RUSC2: variants seen among roughly 807,000 people sequenced by gnomAD.
The protein encoded by RUSC2 is RUN and SH3 domain containing 2, also known as AP-4 complex accessory subunit RUSC2.
Under a neutral mutation model 122.2 loss-of-function variants are expected in RUSC2, and 34 were observed. The ratio of observed to expected loss-of-function variants is 0.28; its 90% CI spans 0.21 to 0.37. RUSC2 has a LOEUF of 0.37. Among genes scored for constraint, RUSC2 ranks in the 10% least tolerant of loss-of-function variants. RUSC2 has a pLI of 1.00. For missense variants in RUSC2, 1,747 were observed against 1,952.4 expected (o/e 0.89, Z 1.98); for synonymous variants, 784 against 790.0 (o/e 0.99, Z 0.13).
At chr9:35,556,582 T>G in intron 5 of RUSC2, 134 bp downstream of exon 5, 3 of 410,204 alleles carry the variant, frequency 7.3e-6, no homozygotes, top group Non-Finnish European at 1.2e-5. Flanking sequence ...CCCAGCACTT[T>G]GGGAGGCCAA....
intron 1 of RUSC2, among the ~76,000 whole-genome samples, chr9:35,524,314 AAAAC>A (rs1453328382): frequency 2.2e-4 from 33 of 152,330 alleles, no homozygotes; most frequent in African/African-American, 7.9e-4. Flanking sequence ...AACACAAAAC[AAAAC>A]AAACCTGTCA....
At chr9:35,551,793 C>T (rs1157677535) in intron 2 of RUSC2, among the ~76,000 whole-genome samples, 4 of 152,176 alleles carry the variant, frequency 2.6e-5, no homozygotes, top group Non-Finnish European at 5.9e-5. Context: ...GGCATGGTGG[C>T]TCACACCTAT....
rs773623696 is a variant in RUSC2 at position 35,548,068 on chromosome 9, G to A, written c.1547G>A (p.Arg516His). ...SPPVRLGSLE[R>H]MLSCPVRLSE... ...CCTGTCCGCCTGGGCTCGCTGGAAC[G>A]TATGTTGAGTTGCCCAGTGCGCTTG... is the stretch of plus-strand genomic sequence containing the variant. Residue 516 changes from arginine (R) to histidine (H), a missense_variant, in exon 2 of 12, where the codon CGT becomes CAT. Arg to His is a conservative substitution (Grantham distance 29, BLOSUM62 0). Coordinates refer to ENST00000361226, the MANE Select transcript of RUSC2 (RefSeq NM_014806.5). This position sits in a 1 kb window ranked among gnomAD's most constrained non-coding sequence, Gnocchi z 4.5. 8.7e-6 allele frequency: 14 copies of A among 1,613,218 alleles called. No individual in the cohort carries two copies. The highest frequency in any genetic ancestry group is 4.4e-5 in the South Asian group (4 of 91,090).
intron 1 of RUSC2, among the ~76,000 whole-genome samples, chr9:35,545,394 G>A (rs1821724742): frequency 6.6e-6 from 1 of 152,228 alleles, no homozygotes; most frequent in Non-Finnish European, 1.5e-5. Flanking sequence ...AAACACAGGA[G>A]ACTAGAACTT....
chr9:35,560,929 G>C (rs780693732), intron 10 of RUSC2, 31 bp from the exon 11 acceptor site: 1 of 1,608,698 alleles, frequency 6.2e-7, no homozygotes, highest in Non-Finnish European at 8.5e-7. Flanking sequence ...GCCCATCCTG[G>C]GCAGAGCCTG....
At chr9:35,511,104 C>T (rs1408101972) in intron 1 of RUSC2, among the ~76,000 whole-genome samples, 3 of 152,174 alleles carry the variant, frequency 2.0e-5, no homozygotes, top group African/African-American at 7.2e-5. Context: ...TCCCAGCGAG[C>T]AGAGCTGGGT....
At position 35,560,243 on chromosome 9, in the gene RUSC2, T is replaced by C. The variant is rs775834505; in HGVS notation, c.3603T>C (p.Ser1201=). The change falls in exon 10 of 12, where the codon TCT becomes TCC. Residue 1201 remains serine, a synonymous_variant. Coordinates refer to ENST00000361226, the MANE Select transcript of RUSC2 (RefSeq NM_014806.5). The part of the protein sequence containing the change: ...LLRVSQDLLL[S]AHSTLQLARA... ...GGGTGTCCCAGGACCTGCTGCTGTC[T>C]GCCCACTCCACGCTGCAGCTGGCCC... 3.1e-6 allele frequency: 5 copies of C among 1,599,734 alleles called. No homozygotes were observed. Among genetic ancestry groups the C allele is most frequent in the African/African-American group, 1.3e-5 (1 of 74,798 alleles).
chr9:35,498,086 T>C (rs1032874781), intron 1 of RUSC2, among the ~76,000 whole-genome samples: 2 of 152,144 alleles, frequency 1.3e-5, no homozygotes, highest in African/African-American at 4.8e-5. Context: ...AGTTCTAATG[T>C]TTTTGTGGCA....
chr9:35,525,747 C>T (rs140380449), intron 1 of RUSC2, among the ~76,000 whole-genome samples: 2,230 of 152,078 alleles, frequency 0.015, 33 homozygotes, highest in Non-Finnish European at 0.022. Flanking sequence ...TGCAGTGAGC[C>T]GAGATCGCAC....
chr9:35,503,142 G>A (rs199607159), intron 1 of RUSC2, among the ~76,000 whole-genome samples: 67 of 152,134 alleles, frequency 4.4e-4, no homozygotes, highest in African/African-American at 1.6e-3. Context: ...GATTACAGGC[G>A]TGAGCCACCG....
chr9:35,493,111 A>C (rs979281251), intron 1 of RUSC2, among the ~76,000 whole-genome samples: 1 of 152,058 alleles, frequency 6.6e-6, no homozygotes, highest in Non-Finnish European at 1.5e-5. Flanking sequence ...CTGGTACCCA[A>C]TAGTTATCTT....
Position 35,560,733 on chromosome 9 carries a change from C to T in RUSC2, c.4093C>T (p.Pro1365Ser). 1 of 1,538,038 alleles carries T rather than the reference C, an allele frequency of 6.5e-7. No individual in the cohort carries two copies. Among genetic ancestry groups the T allele is most frequent in the Non-Finnish European group, 8.7e-7 (1 of 1,143,548 alleles). ...GAGGCGCAGTCGGGAGAGGGAAGGG[C>T]CCGCTGCCTCGCCAGCAGAAAATGA... is the stretch of plus-strand genomic sequence containing the variant. ...ELRRSREREG[P>S]AASPAENEEG... Residue 1365 changes from proline (P) to serine (S), a missense_variant, in exon 10 of 12, where the codon CCC becomes TCC. Transcript: ENST00000361226.
chr9:35,526,492 T>G (rs1406605361), intron 1 of RUSC2, among the ~76,000 whole-genome samples: 1 of 152,228 alleles, frequency 6.6e-6, no homozygotes, highest in Non-Finnish European at 1.5e-5. Flanking sequence ...TCACTTAATG[T>G]TGGTGGTATT....
At position 35,557,527 on chromosome 9, in the gene RUSC2, G is replaced by T. The variant is rs1822049554; in HGVS notation, c.2984-387G>T. Among the ~76,000 whole-genome samples, 1 of 152,200 alleles carries T rather than the reference G, an allele frequency of 6.6e-6. No homozygotes were observed. Among genetic ancestry groups the T allele is most frequent in the African/African-American group, 2.4e-5 (1 of 41,446 alleles). On this transcript the variant is annotated intron_variant, in intron 5 of 11. Transcript: ENST00000361226. This position sits in a 1 kb window ranked among gnomAD's most constrained non-coding sequence, Gnocchi z 4.6. ...GGCAGAGAGTGCTGACAAGCCATGT[G>T]TCAAAGAACCGCCCTTGTCTGGCAC...
At chr9:35,535,221 T>TTC (rs2132535405) in intron 1 of RUSC2, among the ~76,000 whole-genome samples, 1 of 152,142 alleles carries the variant, frequency 6.6e-6, no homozygotes, top group East Asian at 1.9e-4. Flanking sequence ...GTTCAAGTGA[T>TTC]TCTCCTGCCT....
At chr9:35,523,966 G>A (rs1191883156) in intron 1 of RUSC2, among the ~76,000 whole-genome samples, 1 of 152,004 alleles carries the variant, frequency 6.6e-6, no homozygotes, top group East Asian at 1.9e-4. Context: ...AAGAAAGGAA[G>A]GAAAAGGGAA....
At chr9:35,551,340 T>C (rs1323251172) in intron 2 of RUSC2, among the ~76,000 whole-genome samples, 1 of 152,124 alleles carries the variant, frequency 6.6e-6, no homozygotes, top group Non-Finnish European at 1.5e-5. Flanking sequence ...TTTAAAACCA[T>C]AAATAATATC....
intron 1 of RUSC2, among the ~76,000 whole-genome samples, chr9:35,544,522 G>T (rs1438935353): frequency 6.6e-6 from 1 of 151,944 alleles, no homozygotes; most frequent in East Asian, 1.9e-4. Context: ...CGGCCAGGAT[G>T]GTCTCTGTCT....
intron 2 of RUSC2, among the ~76,000 whole-genome samples, chr9:35,554,386 T>TAC (rs1162511978): frequency 6.6e-6 from 1 of 152,182 alleles, no homozygotes; most frequent in Non-Finnish European, 1.5e-5. Flanking sequence ...TGGGGGTAGA[T>TAC]ACAGATAACA....
Sources: allele counts gnomAD v4.1 joint callset (sites outside exome capture counted in the v4.1 genomes callset), GRCh38; gene constraint gnomAD v4.1.1; non-coding constraint Gnocchi (gnomAD v3.1); transcripts MANE v1.5; gene names NCBI Gene and HGNC (gene_info 2026-07-23, HGNC 2026-07-21).